LHFPL6: variants seen among roughly 807,000 people sequenced by gnomAD.
The protein encoded by LHFPL6 is LHFPL tetraspan subfamily member 6 protein.
In LHFPL6, 9 loss-of-function variants were observed where a neutral mutation model predicts 20.6. The ratio of observed to expected loss-of-function variants is 0.44; its 90% CI spans 0.26 to 0.76. The LOEUF is 0.76. LHFPL6 is among the 30% of genes least tolerant of loss of function. LHFPL6 has a pLI of 0.20. For synonymous variants in LHFPL6, 105 were observed against 98.7 expected, an observed-to-expected ratio of 1.06 and a Z score of -0.38; for missense variants, 218 against 253.5, an observed-to-expected ratio of 0.86 and a Z score of 0.95.
intron 2 of LHFPL6, among the ~76,000 whole-genome samples, chr13:39,384,673 G>A (rs1446323210): frequency 1.3e-5 from 2 of 152,196 alleles, no homozygotes; most frequent in African/African-American, 4.8e-5. Flanking sequence ...TTAGTGACCT[G>A]ACAGATTTTA....
At chr13:39,479,660 C>T (rs528030738) in intron 2 of LHFPL6, among the ~76,000 whole-genome samples, 1 of 152,152 alleles carries the variant, frequency 6.6e-6, no homozygotes, top group African/African-American at 2.4e-5. Flanking sequence ...GGTTGCCAGA[C>T]ATTGTGCTAA....
chr13:39,373,537 T>C (rs534828668), intron 3 of LHFPL6, among the ~76,000 whole-genome samples: 2 of 152,338 alleles, frequency 1.3e-5, no homozygotes, highest in East Asian at 3.9e-4. Context: ...AATTGTAGTA[T>C]TTATACAGCG....
rs113690191 is a variant in LHFPL6, at chr13:39,369,980, T to C, written c.484+8448A>G. Among the ~76,000 whole-genome samples, 643 of 152,274 alleles carry C rather than the reference T, an allele frequency of 4.2e-3. 6 individuals are homozygous for C. The highest frequency in any genetic ancestry group is 0.015 in the African/African-American group (618 of 41,564). ...ACTAAGTTATAAAATAGAAATGTTC[T>C]GGCTCTGATTTTGAAAACGTGGAAC... On this transcript the variant is annotated intron_variant, in intron 3 of 3. Transcript: ENST00000379589.
intron 2 of LHFPL6, among the ~76,000 whole-genome samples, chr13:39,574,019 C>T (rs528212325): frequency 5.4e-4 from 82 of 152,148 alleles, no homozygotes; most frequent in African/African-American, 1.9e-3. Context: ...CATCTGTGTG[C>T]GAGACAGGGA....
chr13:39,353,277 C>G (rs969875738), intron 3 of LHFPL6, among the ~76,000 whole-genome samples: 7 of 151,628 alleles, frequency 4.6e-5, no homozygotes, highest in Non-Finnish European at 1.0e-4. Context: ...TAAGCCACCA[C>G]GCCTGATCCT....
At position 39,601,025 on chromosome 13, in the gene LHFPL6, C is replaced by T. The variant is rs1244552927; in HGVS notation, c.192G>A (p.Met64Ile). 6.2e-7 allele frequency: 1 copy of T among 1,614,224 alleles called. No individual in the cohort carries two copies. Among genetic ancestry groups the T allele is most frequent in the South Asian group, 1.1e-5 (1 of 91,086 alleles). ...AGGCATAGCGCCCACATTCCTCCACCATCACCATCATCTGCCGACTCTCAT... is the reference window on the plus strand; with the variant it reads ...AGGCATAGCGCCCACATTCCTCCACTATCACCATCATCTGCCGACTCTCAT... Reference protein sequence around the residue: ...VHDESRQMMVMVEECGRYASF... With the variant: ...VHDESRQMMVIVEECGRYASF... Residue 64 changes from methionine (M) to isoleucine (I), a missense_variant, in exon 2 of 4, where the codon ATG becomes ATA. Transcript: ENST00000379589.
chr13:39,477,518 G>A (rs1206105778), intron 2 of LHFPL6, among the ~76,000 whole-genome samples: 1 of 152,134 alleles, frequency 6.6e-6, no homozygotes, highest in Non-Finnish European at 1.5e-5. Flanking sequence ...ACGTGACCCT[G>A]TTACTGAATC....
At chr13:39,420,786 A>T (rs1375155038) in intron 2 of LHFPL6, among the ~76,000 whole-genome samples, 1 of 152,218 alleles carries the variant, frequency 6.6e-6, no homozygotes, top group Non-Finnish European at 1.5e-5. Context: ...ATGCTGTCGC[A>T]AACAACAACA....
chr13:39,368,311 T>C (rs1341294540), intron 3 of LHFPL6, among the ~76,000 whole-genome samples: 1 of 148,334 alleles, frequency 6.7e-6, no homozygotes, highest in Non-Finnish European at 1.5e-5. Context: ...AGGCTGGGCA[T>C]GGTGGCTCAC....
intron 2 of LHFPL6, among the ~76,000 whole-genome samples, chr13:39,591,062 C>CT (rs1403857839): frequency 6.6e-6 from 1 of 152,208 alleles, no homozygotes; most frequent in African/African-American, 2.4e-5. Context: ...TGTTGCATAG[C>CT]TGCTAATAAG....
chr13:39,516,174 C>A (rs936822553), intron 2 of LHFPL6, among the ~76,000 whole-genome samples: 2 of 152,164 alleles, frequency 1.3e-5, no homozygotes, highest in Non-Finnish European at 2.9e-5. Flanking sequence ...CAGACAAAGC[C>A]CTCAAGCAAC....
At chr13:39,497,169 T>G (rs955732645) in intron 2 of LHFPL6, among the ~76,000 whole-genome samples, 1 of 152,076 alleles carries the variant, frequency 6.6e-6, no homozygotes, top group African/African-American at 2.4e-5. Flanking sequence ...CTTATTACAA[T>G]CTCCACAACA....
intron 3 of LHFPL6, among the ~76,000 whole-genome samples, chr13:39,356,448 T>C (rs1386019934): frequency 1.3e-5 from 2 of 152,084 alleles, no homozygotes; most frequent in African/African-American, 4.8e-5. Flanking sequence ...TAATCTAACA[T>C]CATATCTGTG....
intron 2 of LHFPL6, among the ~76,000 whole-genome samples, chr13:39,576,619 G>A (rs1430534085): frequency 6.6e-6 from 1 of 152,128 alleles, no homozygotes; most frequent in Non-Finnish European, 1.5e-5. Flanking sequence ...TTGTTCTGCT[G>A]TCATCATCTT....
chr13:39,414,200 A>G (rs746682311), intron 2 of LHFPL6, among the ~76,000 whole-genome samples: 8 of 152,230 alleles, frequency 5.3e-5, no homozygotes, highest in Non-Finnish European at 1.0e-4. Context: ...GCCAGATCAC[A>G]GGGTATAAAA....
chr13:39,569,475 G>A (rs1871844502), intron 2 of LHFPL6, among the ~76,000 whole-genome samples: 1 of 152,010 alleles, frequency 6.6e-6, no homozygotes, highest in Non-Finnish European at 1.5e-5. Flanking sequence ...TTTATGTTGA[G>A]AACCTGAAAA....
At chr13:39,441,640 G>C (rs974730057) in intron 2 of LHFPL6, among the ~76,000 whole-genome samples, 1 of 151,560 alleles carries the variant, frequency 6.6e-6, no homozygotes, top group African/African-American at 2.4e-5. Flanking sequence ...AGCCTCCCAA[G>C]TAGCTAGGAC....
At chr13:39,425,664 C>T (rs1871618155) in intron 2 of LHFPL6, among the ~76,000 whole-genome samples, 1 of 152,120 alleles carries the variant, frequency 6.6e-6, no homozygotes, top group Admixed American at 6.6e-5. Flanking sequence ...ATTTGCTGTC[C>T]ATATATTGTT....
At chr13:39,528,448 C>G (rs544128537) in intron 2 of LHFPL6, among the ~76,000 whole-genome samples, 1 of 152,308 alleles carries the variant, frequency 6.6e-6, no homozygotes, top group East Asian at 1.9e-4. Flanking sequence ...CAAAGAGGAA[C>G]AGCAATGACA....
Sources: gnomAD v4.1 joint callset for allele counts (sites outside exome capture counted in the v4.1 genomes callset) on GRCh38, gnomAD v4.1.1 for gene constraint, MANE v1.5 for transcripts, NCBI Gene and HGNC (gene_info 2026-07-23, HGNC 2026-07-21) for gene names.